CALN1: variants seen among roughly 807,000 people sequenced by gnomAD.
CALN1 encodes the protein calneuron 1, also known as calcium-binding protein 8.
In CALN1, 17 loss-of-function variants were observed where a neutral mutation model predicts 30.6. That is an observed-to-expected ratio of 0.56 (90% CI 0.38 to 0.83). CALN1 has a LOEUF of 0.83. Among genes scored for constraint, CALN1 ranks in the 40% least tolerant of loss-of-function variants. The pLI is 0.00. For synonymous variants in CALN1, 156 were observed against 131.4 expected, an observed-to-expected ratio of 1.19 and a Z score of -1.28; for missense variants, 291 against 354.9, an observed-to-expected ratio of 0.82 and a Z score of 1.45.
At chr7:71,909,496 A>G (rs1002118329) in intron 5 of CALN1, among the ~76,000 whole-genome samples, 1 of 152,150 alleles carries the variant, frequency 6.6e-6, no homozygotes, top group African/African-American at 2.4e-5. Flanking sequence ...ATGGATTCCA[A>G]TGGATTGGAA....
At chr7:72,501,984 T>TATATATAAATATATATACACAC in the CALN1 span, among the ~76,000 whole-genome samples, 1 of 110,232 alleles carries the variant, frequency 9.1e-6, no homozygotes, top group Non-Finnish European at 2.0e-5. Flanking sequence ...TATACACACA[T>TATATATAAATATATATACACAC]ATATATATAA....
At position 71,801,376 on chromosome 7, in the gene CALN1, T is replaced by TTATG. The variant is rs575924113; in HGVS notation, c.658+8956_658+8959dup. On this transcript the variant is annotated intron_variant, in intron 6 of 6. Coordinates refer to ENST00000395275, the MANE Select transcript of CALN1 (RefSeq NM_031468.4). ...TACAGGTGCCTGCCACCATGCCTGG[T>TTATG]TATGTATGTATGTATGTATGTATGT... 7.4e-3 allele frequency among the ~76,000 whole-genome samples: 896 copies of TTATG among 121,610 alleles called. 11 individuals are homozygous for TTATG. The highest frequency in any genetic ancestry group is 9.4e-3 in the African/African-American group (296 of 31,374). The allele number at this position is 121,610 out of a possible 152,430, so 79.8% of individuals were successfully genotyped here.
chr7:72,487,768 G>GGGT, the CALN1 span, among the ~76,000 whole-genome samples: 3 of 76,322 alleles, frequency 3.9e-5, no homozygotes, highest in Non-Finnish European at 5.3e-5. Context: ...GAAGGGTAAA[G>GGGT]AAAGAAAGAA....
At position 72,246,741 on chromosome 7, in the gene CALN1, CCTACCA is replaced by C. The variant is rs1795188302; in HGVS notation, c.244+31939_244+31944del. Among the ~76,000 whole-genome samples, 3 of 145,350 alleles carry C rather than the reference CCTACCA, an allele frequency of 2.1e-5. No homozygotes were observed. In the South Asian group the frequency reaches 6.7e-4, roughly 32 times the overall value. ...CACAGTTAGGCCAATGATCCTCATT[CCTACCA>C]GAACAATTTTTTTTTTTTTTTTTTG... On this transcript the variant is annotated intron_variant, in intron 3 of 6. Transcript: ENST00000395275.
At chr7:72,360,170 T>C (rs375402792) in intron 2 of CALN1, among the ~76,000 whole-genome samples, 3 of 152,152 alleles carry the variant, frequency 2.0e-5, no homozygotes, top group Admixed American at 6.6e-5. Context: ...AATTTGATTT[T>C]GGCCTCCATT....
In CALN1 at chr7:72,445,930, C is replaced by T. The variant is rs192513785; in HGVS notation, c.-226+1112G>A. On this transcript the variant is annotated intron_variant, in intron 1 of 6. Coordinates refer to the CALN1 transcript ENST00000395276. ...GCTCAGATCCCCCTCAAGACTTGAA[C>T]GGGGATGTTAACCATTCAGCGTGTT... Among the ~76,000 whole-genome samples, 566 of 152,258 alleles carry T rather than the reference C, an allele frequency of 3.7e-3. 4 individuals carry two copies. Among genetic ancestry groups the T allele is most frequent in the African/African-American group, 0.013 (526 of 41,558 alleles).
chr7:72,499,895 TTCTTTCTTTCTTTCTTTCTATC>T, the CALN1 span, among the ~76,000 whole-genome samples: 318 of 53,486 alleles, frequency 5.9e-3, 72 homozygotes, highest in African/African-American at 0.028. Context: ...CTTTCTTTCT[TTCTTTCTTTCTTTCTTTCTATC>T]TTTCTCTTTT....
At chr7:72,186,051 G>T (rs1027449559) in intron 3 of CALN1, among the ~76,000 whole-genome samples, 1 of 152,114 alleles carries the variant, frequency 6.6e-6, no homozygotes, top group Non-Finnish European at 1.5e-5. Flanking sequence ...AGGCCGGAGG[G>T]TGAGAGAAGG....
intron 6 of CALN1, among the ~76,000 whole-genome samples, chr7:71,796,327 A>G (rs1179044271): frequency 6.6e-6 from 1 of 151,020 alleles, no homozygotes; most frequent in African/African-American, 2.4e-5. Context: ...AAGTTGAATT[A>G]CTGGGTTATA....
Position 72,278,779 on chromosome 7 carries a change from C to A in CALN1, c.151G>T (p.Gly51Cys). 1.2e-6 allele frequency: 2 copies of A among 1,613,742 alleles called. No individual in the cohort carries two copies. Among genetic ancestry groups the A allele is most frequent in the Non-Finnish European group, 1.7e-6 (2 of 1,179,724 alleles). The change falls in exon 3 of 7, where the codon GGC becomes TGC. Residue 51 changes from glycine (G) to cysteine (C), a missense_variant. Gly to Cys is a radical substitution (Grantham distance 159, BLOSUM62 -3). Transcript: ENST00000395275. ...AGGTAATTCCCCTTGTACAACAAGC[C>A]GGCGGTCACATGGTGGAACGGCATC... ...EKMPFHHVTA[G>C]LLYKGNYLNR... is the part of the protein sequence containing the mutation.
At chr7:71,974,395 G>A (rs1198027466) in intron 5 of CALN1, among the ~76,000 whole-genome samples, 1 of 130,384 alleles carries the variant, frequency 7.7e-6, no homozygotes, top group African/African-American at 2.8e-5. Flanking sequence ...TCCAGCTTGG[G>A]TGACAGAGCA....
In CALN1 at chr7:72,242,332, C is replaced by A. The variant is rs1430272120; in HGVS notation, c.244+36354G>T. 3.0e-4 allele frequency among the ~76,000 whole-genome samples: 46 copies of A among 152,282 alleles called. No homozygotes were observed. The East Asian group carries it at 7.7e-3, about 26-fold the overall frequency. ...GTGCACATATCTGTTTGAGTCCCTG[C>A]TTTCCATCCTTTGGGGTATAGGCAT... On this transcript the variant is annotated intron_variant, in intron 3 of 6. Coordinates refer to ENST00000395275, the MANE Select transcript of CALN1 (RefSeq NM_031468.4).
intron 5 of CALN1, among the ~76,000 whole-genome samples, chr7:71,824,993 C>T (rs553162706): frequency 1.7e-3 from 266 of 152,312 alleles, no homozygotes; most frequent in Middle Eastern, 0.01. Context: ...TGAGCGCCAG[C>T]GTGACCAGGC....
intron 2 of CALN1, among the ~76,000 whole-genome samples, chr7:72,318,499 A>C (rs1800641025): frequency 1.3e-5 from 2 of 152,144 alleles, no homozygotes; most frequent in Admixed American, 6.6e-5. Context: ...CAGAGGATCA[A>C]ATGTACAGCT....
chr7:71,909,729 T>C (rs1286944829), intron 5 of CALN1, among the ~76,000 whole-genome samples: 1 of 152,154 alleles, frequency 6.6e-6, no homozygotes, highest in African/African-American at 2.4e-5. Flanking sequence ...TTGGTTTCCA[T>C]TCTCTGAATA....
intron 5 of CALN1, among the ~76,000 whole-genome samples, chr7:71,936,953 C>G (rs1795869371): frequency 6.6e-6 from 1 of 152,008 alleles, no homozygotes; most frequent in Admixed American, 6.6e-5. Flanking sequence ...ATAAGAAGTG[C>G]CTTTCATCTC....
intron 2 of CALN1, among the ~76,000 whole-genome samples, chr7:72,324,420 T>TC (rs1216757952): frequency 1.3e-5 from 2 of 152,004 alleles, no homozygotes; most frequent in South Asian, 4.2e-4. Flanking sequence ...GGGGTCACTG[T>TC]CCCAATCATA....
intron 4 of CALN1, among the ~76,000 whole-genome samples, chr7:72,055,000 T>C (rs1386130307): frequency 6.6e-6 from 1 of 152,146 alleles, no homozygotes; most frequent in South Asian, 2.1e-4. Context: ...TCTAACCTGA[T>C]GAGGACAGGA....
At chr7:71,931,788 TAC>T (rs1161191623) in intron 5 of CALN1, among the ~76,000 whole-genome samples, 7 of 152,162 alleles carry the variant, frequency 4.6e-5, no homozygotes, top group Non-Finnish European at 1.0e-4. Flanking sequence ...TGGCAGGAAT[TAC>T]AGATTATCTT....
Sources: allele counts gnomAD v4.1 joint callset (sites outside exome capture counted in the v4.1 genomes callset), GRCh38; gene constraint gnomAD v4.1.1; transcripts MANE v1.5; gene names NCBI Gene and HGNC (gene_info 2026-07-23, HGNC 2026-07-21).